The following VPS37A variants were observed in gnomAD, a reference collection of about 807,000 sequenced individuals.
VPS37A encodes VPS37A subunit of ESCRT-I.
A neutral mutation model predicts 49.8 loss-of-function variants in VPS37A; 30 were observed. The observed-to-expected ratio is 0.60, with a 90% confidence interval of 0.45 to 0.82. VPS37A has a LOEUF of 0.82. VPS37A is among the 40% of genes least tolerant of loss of function. The probability of loss-of-function intolerance (pLI) is 0.00; values close to 1 mark genes in which losing one functional copy is unlikely to be tolerated. For synonymous variants in VPS37A, 195 were observed against 160.6 expected (o/e 1.21, Z -1.62); for missense variants, 593 against 464.4 (o/e 1.28, Z -2.55).
intron 1 of VPS37A, among the ~76,000 whole-genome samples, chr8:17,249,102 T>G (rs1811738514): frequency 6.6e-6 from 1 of 152,236 alleles, no homozygotes; most frequent in African/African-American, 2.4e-5. Context: ...AACCTTAGTA[T>G]GTAGTATTAT....
rs1245599175 is a variant in VPS37A at position 17,275,009 on chromosome 8, T to C, written c.642+51T>C. 4 of 1,511,206 alleles carry C rather than the reference T, an allele frequency of 2.6e-6. No homozygotes were observed. In the South Asian group the frequency reaches 4.6e-5, roughly 17 times the overall value. 93.6% of individuals were successfully genotyped at this position (1,511,206 alleles called of 1,614,324 possible). ...TTGTGCCACTGAAACATTCATTCAA[T>C]CCACACACCTTTATTACATGCCTCT... is the stretch of plus-strand genomic sequence containing the variant. On this transcript the variant is annotated intron_variant, in intron 5 of 11. Transcript: ENST00000324849.
intron 1 of VPS37A, among the ~76,000 whole-genome samples, chr8:17,249,276 T>C (rs933781035): frequency 2.6e-5 from 4 of 152,204 alleles, no homozygotes; most frequent in Non-Finnish European, 5.9e-5. Context: ...ATAGCAGCAA[T>C]TGTTAATGTA....
At chr8:17,267,475 G>GTGTA (rs1813580567) in intron 2 of VPS37A, among the ~76,000 whole-genome samples, 1 of 151,928 alleles carries the variant, frequency 6.6e-6, no homozygotes, top group Admixed American at 6.6e-5. Flanking sequence ...GCTTGTGTGT[G>GTGTA]TGTGTGTGTG....
chr8:17,325,407 G>C, the VPS37A span, among the ~76,000 whole-genome samples: 17 of 152,304 alleles, frequency 1.1e-4, no homozygotes, highest in Non-Finnish European at 5.9e-5. Context: ...ATCATCTCTA[G>C]GGCCACCTGA....
downstream of VPS37A, chr8:17,299,509 G>T (rs2150452071): frequency 1.0e-5 from 2 of 198,668 alleles, no homozygotes; most frequent in South Asian, 2.3e-4. Context: ...TCACAGATGT[G>T]AGGGAAAGGA....
the VPS37A span, among the ~76,000 whole-genome samples, chr8:17,327,335 A>G: frequency 6.6e-6 from 1 of 152,196 alleles, no homozygotes; most frequent in Admixed American, 6.5e-5. Context: ...CAGTGGCACG[A>G]TCATGGCTTA....
chr8:17,287,901 G>T (rs1815760314), intron 11 of VPS37A, among the ~76,000 whole-genome samples: 3 of 152,092 alleles, frequency 2.0e-5, no homozygotes, highest in Non-Finnish European at 4.4e-5. Context: ...TGGGCTGAGG[G>T]AGTGGATTAT....
chr8:17,298,223 C>G (rs1816862783), downstream of VPS37A: 1 of 151,934 alleles, frequency 6.6e-6, no homozygotes, highest in Non-Finnish European at 1.5e-5. Context: ...TTTATTTTAG[C>G]AAGGTATTCC....
chr8:17,315,530 A>T, the VPS37A span, among the ~76,000 whole-genome samples: 1 of 152,160 alleles, frequency 6.6e-6, no homozygotes, highest in East Asian at 1.9e-4. Context: ...TCCGTCGGGG[A>T]TGTGAATAAT....
At chr8:17,302,259 G>C (rs1351159101), downstream of VPS37A, 2 of 1,613,794 alleles carry the variant, frequency 1.2e-6, no homozygotes, top group Non-Finnish European at 1.7e-6. Flanking sequence ...TTTCAAAGCG[G>C]TTATACATTC....
intron 11 of VPS37A, among the ~76,000 whole-genome samples, chr8:17,289,010 T>C (rs1304120075): frequency 1.3e-5 from 2 of 152,224 alleles, no homozygotes; most frequent in African/African-American, 4.8e-5. Flanking sequence ...GCTGCATAAA[T>C]GTCTTCTTAT....
At chr8:17,320,932 A>T in the VPS37A span, among the ~76,000 whole-genome samples, 5 of 151,924 alleles carry the variant, frequency 3.3e-5, no homozygotes, top group African/African-American at 1.2e-4. Context: ...CACACATTCC[A>T]CTGCGTGAAG....
Position 17,247,157 on chromosome 8 carries a change from C to G in VPS37A, c.-88C>G. 6.5e-7 allele frequency: 1 copy of G among 1,534,646 alleles called. No homozygotes were observed. Among genetic ancestry groups the G allele is most frequent in the East Asian group, 2.4e-5 (1 of 40,846 alleles). ...TGGGCCACGGACGTCCCACCCCGCT[C>G]CTCTGTCGCTGGAGAACCGCCGGGC... On this transcript the variant is annotated 5_prime_UTR_variant, in exon 1 of 12. Coordinates refer to ENST00000324849, the MANE Select transcript of VPS37A (RefSeq NM_152415.3).
intron 1 of VPS37A, chr8:17,247,642 A>G (rs1428360173): frequency 2.0e-5 from 14 of 703,648 alleles, no homozygotes; most frequent in Non-Finnish European, 3.1e-5. Context: ...TAATCTCTCA[A>G]TCTCTCTCAT....
intron 1 of VPS37A, among the ~76,000 whole-genome samples, chr8:17,250,624 A>G (rs1319197789): frequency 1.6e-4 from 24 of 152,084 alleles, no homozygotes; most frequent in Admixed American, 1.6e-3. Flanking sequence ...CCATTCTGTC[A>G]TCTCCCTTCC....
chr8:17,301,314 G>C (rs547113159), downstream of VPS37A, among the ~76,000 whole-genome samples: 1 of 152,180 alleles, frequency 6.6e-6, no homozygotes, highest in African/African-American at 2.4e-5. Flanking sequence ...AGAAGGAAAA[G>C]AACAGAGTAA....
chr8:17,299,768 C>T, downstream of VPS37A: 1 of 1,517,222 alleles, frequency 6.6e-7, no homozygotes, highest in Non-Finnish European at 8.9e-7. Context: ...CAATGACATG[C>T]ACCATTTCCT....
At chr8:17,293,211 C>T (rs948832372) in intron 11 of VPS37A, among the ~76,000 whole-genome samples, 1 of 151,480 alleles carries the variant, frequency 6.6e-6, no homozygotes, top group Non-Finnish European at 1.5e-5. Flanking sequence ...GATCTTCAGT[C>T]TCTGATATCC....
chr8:17,311,430 C>T, the VPS37A span: 4 of 1,568,808 alleles, frequency 2.5e-6, no homozygotes, highest in East Asian at 2.3e-5. Context: ...AAGAAAACAG[C>T]AGTTGCCAGT....
Sources: gnomAD v4.1 joint callset for allele counts (sites outside exome capture counted in the v4.1 genomes callset) on GRCh38, gnomAD v4.1.1 for gene constraint, MANE v1.5 for transcripts, NCBI Gene and HGNC (gene_info 2026-07-23, HGNC 2026-07-21) for gene names.